The following SDK1 variants were observed in gnomAD, a reference collection of about 807,000 sequenced individuals.
The protein encoded by SDK1 is protein sidekick-1.
Under a neutral mutation model 245.5 loss-of-function variants are expected in SDK1, and 157 were observed. The observed-to-expected ratio is 0.64, with a 90% CI of 0.56 to 0.73. The LOEUF is 0.73. Among genes scored for constraint, SDK1 ranks in the 30% least tolerant of loss-of-function variants. SDK1 has a pLI of 0.00. For synonymous variants in SDK1, 1,647 were observed against 1,278.5 expected (o/e 1.29, Z -6.15); for missense variants, 3,583 against 3,002.3 (o/e 1.19, Z -4.52).
chr7:3,319,409 C>T (rs1779738993), intron 1 of SDK1, among the ~76,000 whole-genome samples: 1 of 152,088 alleles, frequency 6.6e-6, no homozygotes, highest in African/African-American at 2.4e-5. Flanking sequence ...ACCGGTGGCC[C>T]TCAAGGTATT....
At chr7:3,602,882 A>G (rs1462800832) in intron 1 of SDK1, among the ~76,000 whole-genome samples, 2 of 152,140 alleles carry the variant, frequency 1.3e-5, no homozygotes, top group Non-Finnish European at 2.9e-5. Context: ...ATCCAGTTTC[A>G]GCTTTCTACA....
chr7:4,045,543 G>A (rs1016996417), intron 17 of SDK1, among the ~76,000 whole-genome samples: 1 of 152,062 alleles, frequency 6.6e-6, no homozygotes, highest in African/African-American at 2.4e-5. Context: ...ACTATGCCCC[G>A]CTTCATGTAG....
intron 4 of SDK1, among the ~76,000 whole-genome samples, chr7:3,811,064 C>T (rs1779371563): frequency 6.6e-6 from 1 of 152,180 alleles, no homozygotes; most frequent in South Asian, 2.1e-4. Flanking sequence ...TTACTGTTTT[C>T]TTACTTGCCA....
intron 5 of SDK1, among the ~76,000 whole-genome samples, chr7:3,943,083 G>A (rs918496357): frequency 6.6e-6 from 1 of 152,222 alleles, no homozygotes; most frequent in South Asian, 2.1e-4. Context: ...ACTCGGCTGT[G>A]AATCCAGACA....
intron 1 of SDK1, among the ~76,000 whole-genome samples, chr7:3,584,412 A>C (rs1159282082): frequency 6.6e-6 from 1 of 152,028 alleles, no homozygotes; most frequent in Non-Finnish European, 1.5e-5. Flanking sequence ...ATTCTGATTG[A>C]GCTTTCACTT....
chr7:3,359,908 T>C (rs1328374000), intron 1 of SDK1, among the ~76,000 whole-genome samples: 9 of 152,212 alleles, frequency 5.9e-5, no homozygotes, highest in Admixed American at 4.6e-4. Context: ...TCTGTTTGGC[T>C]GAATGAATCT....
intron 1 of SDK1, among the ~76,000 whole-genome samples, chr7:3,517,058 A>G (rs562598708): frequency 6.6e-6 from 1 of 152,290 alleles, no homozygotes; most frequent in African/African-American, 2.4e-5. Flanking sequence ...TTTTCTCTGT[A>G]GTCTGTATTT....
intron 1 of SDK1, among the ~76,000 whole-genome samples, chr7:3,528,599 G>A (rs1019809661): frequency 5.3e-5 from 8 of 152,230 alleles, no homozygotes; most frequent in African/African-American, 1.7e-4. Context: ...GAGAGATCAC[G>A]TAGGAGATTC....
Position 4,174,908 on chromosome 7 carries a change from A to G in SDK1, c.4936+551A>G, listed in dbSNP as rs923298999. On this transcript the variant is annotated intron_variant, in intron 33 of 44. Transcript: ENST00000404826. ...CCCGTTCCCACCCCTCCTCTGTTGG[A>G]TGGAGGTTAGAGGGGGTTCATTTCC... 2.2e-4 allele frequency among the ~76,000 whole-genome samples: 33 copies of G among 152,146 alleles called. 1 individual carries two copies. The highest frequency in any genetic ancestry group is 1.9e-4 in the East Asian group (1 of 5,172).
chr7:4,018,190 C>T (rs567831500), intron 17 of SDK1, among the ~76,000 whole-genome samples: 25 of 152,302 alleles, frequency 1.6e-4, no homozygotes, highest in African/African-American at 5.5e-4. Flanking sequence ...GATTTATGCC[C>T]TCGCCTGATT....
At chr7:3,405,972 C>G (rs779822222) in intron 1 of SDK1, among the ~76,000 whole-genome samples, 16 of 151,882 alleles carry the variant, frequency 1.1e-4, no homozygotes, top group Non-Finnish European at 1.5e-4. Context: ...CTCACTATGC[C>G]CAGCTAATTT....
At chr7:3,438,457 C>T (rs1186093623) in intron 1 of SDK1, among the ~76,000 whole-genome samples, 1 of 152,146 alleles carries the variant, frequency 6.6e-6, no homozygotes, top group African/African-American at 2.4e-5. Context: ...TTTTCTGTGG[C>T]CGCTATTTCT....
At chr7:4,249,640 C>T (rs1020349957) in intron 44 of SDK1, among the ~76,000 whole-genome samples, 6 of 152,228 alleles carry the variant, frequency 3.9e-5, no homozygotes, top group Non-Finnish European at 7.3e-5. Flanking sequence ...CTGGACCATC[C>T]TGTGCTCCCC....
chr7:3,322,087 A>G (rs1779829239), intron 1 of SDK1, among the ~76,000 whole-genome samples: 1 of 151,256 alleles, frequency 6.6e-6, no homozygotes, highest in African/African-American at 2.4e-5. Context: ...AGTGTTGAAT[A>G]CATCCAGAGT....
intron 7 of SDK1, 39 bp downstream of exon 7, chr7:3,951,959 A>C: frequency 1.3e-6 from 2 of 1,562,562 alleles, no homozygotes; most frequent in Non-Finnish European, 1.7e-6. Flanking sequence ...CCAGCATCTC[A>C]GATAGCATCC....
intron 13 of SDK1, among the ~76,000 whole-genome samples, chr7:3,978,310 C>T (rs1319591801): frequency 6.6e-6 from 1 of 152,160 alleles, no homozygotes; most frequent in Non-Finnish European, 1.5e-5. Flanking sequence ...GTTTTATGGT[C>T]TACTGATTTA....
intron 4 of SDK1, among the ~76,000 whole-genome samples, chr7:3,696,126 C>T (rs1025842291): frequency 6.6e-6 from 1 of 152,138 alleles, no homozygotes; most frequent in South Asian, 2.1e-4. Context: ...TGGCTGATTT[C>T]CTCTTGCTCC....
At chr7:4,210,715 A>G in intron 38 of SDK1, among the ~76,000 whole-genome samples, 1 of 152,132 alleles carries the variant, frequency 6.6e-6, no homozygotes, top group Admixed American at 6.5e-5. Flanking sequence ...CAGATGCTGG[A>G]ATCGAGGACC....
chr7:4,225,217 A>T (rs991043691), intron 40 of SDK1, among the ~76,000 whole-genome samples: 1 of 152,004 alleles, frequency 6.6e-6, no homozygotes, highest in African/African-American at 2.4e-5. Context: ...GCAGGATGTT[A>T]CCACTGGGGG....
Sources: allele counts gnomAD v4.1 joint callset (sites outside exome capture counted in the v4.1 genomes callset), GRCh38; gene constraint gnomAD v4.1.1; transcripts MANE v1.5; gene names NCBI Gene and HGNC (gene_info 2026-07-23, HGNC 2026-07-21).